Variants in ITGA9 observed in about 807,000 individuals in gnomAD.
The protein encoded by ITGA9 is integrin subunit alpha 9.
A neutral mutation model predicts 127.8 loss-of-function variants in ITGA9; 56 were observed. That is an observed-to-expected ratio of 0.44 (90% CI 0.35 to 0.55). ITGA9 has a LOEUF of 0.55. Among genes scored for constraint, ITGA9 ranks in the 20% least tolerant of loss-of-function variants. The probability of loss-of-function intolerance (pLI) is 0.00; values close to 1 mark genes in which losing one functional copy is unlikely to be tolerated. For synonymous variants in ITGA9, 508 were observed against 514.5 expected, an observed-to-expected ratio of 0.99 and a Z score of 0.17; for missense variants, 1,196 against 1,347.1, an observed-to-expected ratio of 0.89 and a Z score of 1.76.
chr3:37,650,505 C>T (rs536874730), intron 16 of ITGA9, among the ~76,000 whole-genome samples: 19 of 152,170 alleles, frequency 1.2e-4, no homozygotes, highest in Middle Eastern at 3.4e-3. Context: ...GGTCTCGGCT[C>T]ACTGCACCCT....
chr3:37,633,285 C>T (rs1001737520), intron 16 of ITGA9, among the ~76,000 whole-genome samples: 2 of 151,992 alleles, frequency 1.3e-5, no homozygotes, highest in African/African-American at 4.8e-5. Flanking sequence ...AAGATAATTA[C>T]CTGTACAGAT....
chr3:37,687,969 C>T (rs1700797378), intron 18 of ITGA9, among the ~76,000 whole-genome samples: 1 of 152,214 alleles, frequency 6.6e-6, no homozygotes, highest in Non-Finnish European at 1.5e-5. Flanking sequence ...TCCTCAGACC[C>T]TCCAAGAGAC....
At chr3:37,630,248 A>G (rs1700217666) in intron 16 of ITGA9, among the ~76,000 whole-genome samples, 1 of 149,272 alleles carries the variant, frequency 6.7e-6, no homozygotes, top group Non-Finnish European at 1.5e-5. Flanking sequence ...CCAGGTGTTC[A>G]CGTAAGTGCT....
intron 1 of ITGA9, 27 bp from the exon 2 acceptor site, chr3:37,470,980 A>T (rs779427722): frequency 5.6e-6 from 9 of 1,613,790 alleles, no homozygotes; most frequent in Non-Finnish European, 7.6e-6. Context: ...GTAGGTTGTG[A>T]CAGAATGCCT....
intron 27 of ITGA9, among the ~76,000 whole-genome samples, chr3:37,813,966 ATAT>A (rs142324295): frequency 0.038 from 5,844 of 152,344 alleles, 149 homozygotes; most frequent in Middle Eastern, 0.078. Flanking sequence ...ATCTTTTAAA[ATAT>A]TATTAAATTC....
chr3:37,799,339 TG>T lies in ITGA9; in HGVS notation c.2890-4482del, dbSNP rs537996555. Among the ~76,000 whole-genome samples the T allele has an allele frequency of 1.1e-4, 16 of 152,206 alleles. No homozygotes were observed. In the East Asian group the frequency reaches 3.1e-3, roughly 29 times the overall value. On this transcript the variant is annotated intron_variant, in intron 26 of 27. Coordinates refer to ENST00000264741, the MANE Select transcript of ITGA9 (RefSeq NM_002207.3). The surrounding 1 kb of genome is among the most constrained non-coding windows in gnomAD (Gnocchi z 4.0). ...GACTACAGACATACACCATCACACC[TG>T]GCTGATTTTTGTATTTTTAGTAGAC...
intron 16 of ITGA9, among the ~76,000 whole-genome samples, chr3:37,630,515 C>G (rs559189255): frequency 2.5e-4 from 38 of 152,324 alleles, no homozygotes; most frequent in African/African-American, 8.9e-4. Context: ...AGGGGCTTCC[C>G]TTTTGTGCCC....
chr3:37,619,100 G>A (rs114186789), intron 15 of ITGA9, among the ~76,000 whole-genome samples: 218 of 152,180 alleles, frequency 1.4e-3, no homozygotes, highest in South Asian at 3.5e-3. Flanking sequence ...GGCCGTCTTC[G>A]CTGTTATTTT....
At chr3:37,688,038 G>T (rs536914382) in intron 18 of ITGA9, among the ~76,000 whole-genome samples, 4 of 152,322 alleles carry the variant, frequency 2.6e-5, no homozygotes, top group African/African-American at 9.6e-5. Flanking sequence ...CTGGAGGACC[G>T]ATCCCCCAGC....
chr3:37,572,203 T>C (rs1699609105), intron 15 of ITGA9, among the ~76,000 whole-genome samples: 2 of 152,142 alleles, frequency 1.3e-5, no homozygotes, highest in African/African-American at 2.4e-5. Context: ...CTTGTTTTTT[T>C]CCTGTGTTCT....
intron 15 of ITGA9, among the ~76,000 whole-genome samples, chr3:37,599,926 T>G (rs1454295422): frequency 6.6e-6 from 1 of 152,182 alleles, no homozygotes; most frequent in African/African-American, 2.4e-5. Flanking sequence ...TCATCACCTC[T>G]GTAATGGTAT....
At position 37,533,439 on chromosome 3, in the gene ITGA9, T is replaced by G; in HGVS notation, c.1499T>G (p.Phe500Cys). The G allele has an allele frequency of 1.2e-6, 2 of 1,614,154 alleles. No individual in the cohort carries two copies. Among genetic ancestry groups the G allele is most frequent in the Non-Finnish European group, 1.7e-6 (2 of 1,180,024 alleles). ...NCLNVTTCFS[F>C]HGKHVPGEIG... ...CTGAACGTCACCACCTGCTTCAGCT[T>G]CCATGGCAAACACGTTCCAGGAGAG... is the stretch of plus-strand genomic sequence containing the variant. The change falls in exon 14 of 28, where the codon TTC (phenylalanine) becomes TGC (cysteine). Residue 500 changes from phenylalanine (F) to cysteine (C), a missense_variant. Phe to Cys is a radical substitution (Grantham distance 205, BLOSUM62 -2). Transcript: ENST00000264741.
At chr3:37,732,114 T>A (rs1028409051) in intron 18 of ITGA9, among the ~76,000 whole-genome samples, 4 of 152,116 alleles carry the variant, frequency 2.6e-5, no homozygotes, top group Non-Finnish European at 4.4e-5. Flanking sequence ...AGACAGCAGT[T>A]CCCTACAGCC....
chr3:37,640,016 C>T lies in ITGA9; in HGVS notation c.1839+10680C>T, dbSNP rs1306340810. On this transcript the variant is annotated intron_variant, in intron 16 of 27. Coordinates refer to ENST00000264741, the MANE Select transcript of ITGA9 (RefSeq NM_002207.3). ...GAATAGCGCTCTGAAAATTATAACT[C>T]TTCTCAGGCTTCATCAGCAGGCCCC... is the stretch of plus-strand genomic sequence containing the variant. Among the ~76,000 whole-genome samples the T allele has an allele frequency of 2.0e-5, 3 of 152,132 alleles. No homozygotes were observed. The South Asian group carries it at 6.2e-4, about 32-fold the overall frequency.
At chr3:37,701,332 G>A (rs566402980) in intron 18 of ITGA9, among the ~76,000 whole-genome samples, 43 of 152,326 alleles carry the variant, frequency 2.8e-4, no homozygotes, top group African/African-American at 1.0e-3. Context: ...AAGAATTCAA[G>A]TGTAAAGTAC....
At chr3:37,754,524 T>C (rs534941729) in intron 23 of ITGA9, among the ~76,000 whole-genome samples, 1 of 152,340 alleles carries the variant, frequency 6.6e-6, no homozygotes, top group South Asian at 2.1e-4. Context: ...CAAAACCAAT[T>C]GAAAATATTG....
rs1696923167 is a variant in ITGA9, at chr3:37,777,525, T to C, written c.2667+8T>C. On this transcript the variant is annotated splice_region_variant and intron_variant, in intron 24 of 27. Transcript: ENST00000264741. Reference sequence around the variant, plus strand: ...TCTGGAAGAAAAGTCTTGGTAAGGATTTGTTTAGTGGTTGGGGTAACACGG... The same window carrying C: ...TCTGGAAGAAAAGTCTTGGTAAGGACTTGTTTAGTGGTTGGGGTAACACGG... The C allele has an allele frequency of 6.2e-7, 1 of 1,613,982 alleles. No individual in the cohort carries two copies. The highest frequency in any genetic ancestry group is 8.5e-7 in the Non-Finnish European group (1 of 1,179,976).
chr3:37,761,701 G>T (rs1388208654), intron 23 of ITGA9, among the ~76,000 whole-genome samples: 1 of 152,126 alleles, frequency 6.6e-6, no homozygotes, highest in Non-Finnish European at 1.5e-5. Flanking sequence ...CTTAACAGTG[G>T]GGTTCACTGT....
chr3:37,744,014 C>A lies in ITGA9; in HGVS notation c.2413C>A (p.Pro805Thr). ...QLDDLECHFQ[P>T]INITLQVYNT... The stretch of plus-strand genomic sequence containing the variant: ...GGATGACCTGGAGTGTCACTTTCAG[C>A]CCATCAATATCACCCTTCAGGTACC... The change falls in exon 22 of 28, where the codon CCC (proline) becomes ACC (threonine). Residue 805 changes from proline to threonine, a missense_variant. Transcript: ENST00000264741. 1 of 1,613,236 alleles carries A rather than the reference C, an allele frequency of 6.2e-7. No individual in the cohort carries two copies. Among genetic ancestry groups the A allele is most frequent in the Non-Finnish European group, 8.5e-7 (1 of 1,179,154 alleles).
Sources: allele counts gnomAD v4.1 joint callset (sites outside exome capture counted in the v4.1 genomes callset), GRCh38; gene constraint gnomAD v4.1.1; non-coding constraint Gnocchi (gnomAD v3.1); transcripts MANE v1.5; gene names NCBI Gene and HGNC (gene_info 2026-07-23, HGNC 2026-07-21).